CCDC57: variants seen among roughly 807,000 people sequenced by gnomAD.
CCDC57 encodes the protein coiled-coil domain containing 57.
Under a neutral mutation model 118.9 loss-of-function variants are expected in CCDC57, and 118 were observed. The observed-to-expected ratio is 0.99, with a 90% CI of 0.86 to 1.16. CCDC57 has a LOEUF of 1.16. CCDC57 is among the 50% of genes most tolerant of loss of function. The pLI is 0.00. For missense variants in CCDC57, 1,300 were observed against 1,320.7 expected (o/e 0.98, Z 0.24); for synonymous variants, 527 against 532.9 (o/e 0.99, Z 0.15).
At chr17:82,186,395 G>A (rs534989901) in intron 8 of CCDC57, among the ~76,000 whole-genome samples, 4 of 152,272 alleles carry the variant, frequency 2.6e-5, no homozygotes, top group African/African-American at 4.8e-5. Flanking sequence ...CACCTCGGCC[G>A]CACTACATGG....
In CCDC57 at chr17:82,178,574, G is replaced by A. The variant is rs573980729; in HGVS notation, c.1406C>T (p.Ala469Val). ...CAGCACCACCTCCTGCTCCTGTAGC[G>A]CCTGCTCTGTCTCCTGCAGCTTGGC... is the stretch of plus-strand genomic sequence containing the variant. Residue 469 changes from alanine (A) to valine (V), a missense_variant, in exon 11 of 20, where the codon GCG (alanine) becomes GTG (valine). Transcript: ENST00000665763. The A allele has an allele frequency of 1.1e-5, 18 of 1,613,010 alleles. No individual in the cohort carries two copies. Among genetic ancestry groups the A allele is most frequent in the African/African-American group, 4.0e-5 (3 of 75,044 alleles).
intron 7 of CCDC57, among the ~76,000 whole-genome samples, chr17:82,189,198 G>A (rs1406190586): frequency 6.6e-6 from 1 of 152,162 alleles, no homozygotes; most frequent in Non-Finnish European, 1.5e-5. Flanking sequence ...AGCGTGGGAG[G>A]TCGAGGCTGC....
At chr17:82,184,970 G>C (rs1396750647) in intron 8 of CCDC57, 1 of 152,310 alleles carries the variant, frequency 6.6e-6, no homozygotes, top group Non-Finnish European at 1.5e-5. Flanking sequence ...ACGGCCTCTG[G>C]TGCTCTGGGA....
intron 19 of CCDC57, among the ~76,000 whole-genome samples, chr17:82,111,348 C>T (rs1336476976): frequency 1.3e-5 from 2 of 148,842 alleles, no homozygotes; most frequent in Non-Finnish European, 3.0e-5. Flanking sequence ...GTGATCCACC[C>T]ACCTTGGCCT....
At chr17:82,150,983 A>G (rs75332803) in intron 16 of CCDC57, among the ~76,000 whole-genome samples, 225 of 44,610 alleles carry the variant, frequency 5.0e-3, no homozygotes, top group Non-Finnish European at 5.9e-3. Context: ...AGAACCAGGC[A>G]CACACCCAGA....
intron 9 of CCDC57, among the ~76,000 whole-genome samples, chr17:82,182,990 A>G (rs2046397818): frequency 6.6e-6 from 1 of 152,126 alleles, no homozygotes. Context: ...CCGGCCCACC[A>G]AACACTTTTA....
intron 2 of CCDC57, among the ~76,000 whole-genome samples, chr17:82,207,262 C>T (rs561290054): frequency 1.3e-4 from 19 of 151,720 alleles, no homozygotes; most frequent in Admixed American, 7.9e-4. Context: ...GAGCTTACGA[C>T]GTTGAGGCTG....
chr17:82,183,854 T>C, exon 9 of CCDC57: 1 of 1,613,032 alleles, frequency 6.2e-7, no homozygotes, highest in Non-Finnish European at 8.5e-7. Context: ...TCTGAAGGTC[T>C]CTGGAGACCA....
At chr17:82,189,496 C>CA (rs2047388626) in intron 7 of CCDC57, among the ~76,000 whole-genome samples, 1 of 152,100 alleles carries the variant, frequency 6.6e-6, no homozygotes, top group African/African-American at 2.4e-5. Context: ...AGGCCAACCC[C>CA]AGCTGTCTGC....
intron 19 of CCDC57, among the ~76,000 whole-genome samples, chr17:82,116,901 T>TC (rs2035990914): frequency 6.6e-6 from 1 of 152,216 alleles, no homozygotes; most frequent in South Asian, 2.1e-4. Context: ...AGCTCCTGTC[T>TC]CCCTTCGAGT....
chr17:82,124,881 C>T (rs577145159), intron 19 of CCDC57, among the ~76,000 whole-genome samples: 21 of 152,190 alleles, frequency 1.4e-4, no homozygotes, highest in African/African-American at 4.6e-4. Context: ...AACAAGCAAA[C>T]GAATGAACAC....
rs182107255 is a variant in CCDC57, at chr17:82,102,360, T to C, written c.2900-494A>G. 7.5e-3 allele frequency among the ~76,000 whole-genome samples: 1,140 copies of C among 152,348 alleles called. 15 individuals are homozygous for C. Among genetic ancestry groups the C allele is most frequent in the African/African-American group, 0.025 (1,042 of 41,570 alleles). ...TTTGAGGCCAAAGGAAAGGCCGTGC[T>C]GGTGGGCACCACGTGGCCAGGCACA... On this transcript the variant is annotated intron_variant, in intron 19 of 19. Coordinates refer to ENST00000665763, the Ensembl canonical transcript of CCDC57.
At chr17:82,120,544 C>A (rs1394393007) in intron 19 of CCDC57, among the ~76,000 whole-genome samples, 1 of 152,184 alleles carries the variant, frequency 6.6e-6, no homozygotes, top group Admixed American at 6.5e-5. Context: ...AACGCAGTTT[C>A]CAAGGTTTTA....
At chr17:82,193,081 C>T (rs1184373577) in intron 7 of CCDC57, among the ~76,000 whole-genome samples, 1 of 152,096 alleles carries the variant, frequency 6.6e-6, no homozygotes, top group Non-Finnish European at 1.5e-5. Flanking sequence ...GTTTTTGAGA[C>T]AGGGTCTCAT....
intron 19 of CCDC57, among the ~76,000 whole-genome samples, chr17:82,103,458 G>C (rs527710046): frequency 3.3e-5 from 5 of 152,094 alleles, no homozygotes; most frequent in Non-Finnish European, 5.9e-5. Flanking sequence ...CCCGGCCAAC[G>C]CCCCCATCCC....
chr17:82,136,194 T>A (rs1416971984), intron 16 of CCDC57, among the ~76,000 whole-genome samples: 2 of 152,042 alleles, frequency 1.3e-5, no homozygotes, highest in African/African-American at 2.4e-5. Flanking sequence ...CATCCAAATG[T>A]CCATCAAACT....
intron 19 of CCDC57, chr17:82,113,641 A>T (rs775550104): frequency 2.8e-6 from 2 of 717,024 alleles, no homozygotes; most frequent in Non-Finnish European, 5.2e-6. Context: ...GAAGGGCTCC[A>T]CTCCACGCCA....
intron 13 of CCDC57, 134 bp from the exon 13 acceptor site, chr17:82,163,491 G>A: frequency 1.0e-6 from 1 of 962,130 alleles, no homozygotes; most frequent in Non-Finnish European, 1.5e-6. Flanking sequence ...ATGCGAAGCT[G>A]TTCTTCATTG....
intron 7 of CCDC57, 94 bp from the exon 7 acceptor site, chr17:82,188,513 AC>A (rs1366651671): frequency 5.5e-6 from 7 of 1,272,440 alleles, no homozygotes; most frequent in Non-Finnish European, 7.5e-6. Flanking sequence ...TGTCTCGTGC[AC>A]AGGTGCTGCT....
Sources: gnomAD v4.1 joint callset for allele counts (sites outside exome capture counted in the v4.1 genomes callset) on GRCh38, gnomAD v4.1.1 for gene constraint, MANE v1.5 for transcripts, NCBI Gene and HGNC (gene_info 2026-07-23, HGNC 2026-07-21) for gene names.